SCGB2A1: variants seen among roughly 807,000 people sequenced by gnomAD.
The protein encoded by SCGB2A1 is secretoglobin family 2A member 1.
A neutral mutation model predicts 9.2 loss-of-function variants in SCGB2A1; 6 were observed. That is an observed-to-expected ratio of 0.66 (90% CI 0.36 to 1.29). The LOEUF is 1.29. Ranked by LOEUF, SCGB2A1 falls within the 50% of genes most tolerant of loss-of-function variation. The pLI, the probability that SCGB2A1 is intolerant of heterozygous loss-of-function variation, is 0.03. For missense variants in SCGB2A1, 138 were observed against 116.9 expected (o/e 1.18, Z -0.83); for synonymous variants, 37 against 41.0 (o/e 0.90, Z 0.37).
chr11:62,210,443 T>A lies in SCGB2A1; in HGVS notation c.86T>A (p.Val29Asp). 6.4e-7 allele frequency: 1 copy of A among 1,570,752 alleles called. No individual in the cohort carries two copies. Among genetic ancestry groups the A allele is most frequent in the Non-Finnish European group, 8.6e-7 (1 of 1,165,410 alleles). ...DSGCKLLEDM[V>D]EKTINSDISI... is the part of the protein sequence containing the mutation. ...GGCTGCAAACTCCTGGAGGACATGG[T>A]TGAAAAGACCATCAATTCCGACATA... The change falls in exon 2 of 3, where the codon GTT becomes GAT. Residue 29 changes from valine (V) to aspartate (D), a missense_variant. Transcript: ENST00000244930.
At chr11:62,213,106 A>ATATATATATATTTTTTT (rs67975205) in intron 2 of SCGB2A1, among the ~76,000 whole-genome samples, 3 of 116,252 alleles carry the variant, frequency 2.6e-5, no homozygotes, top group African/African-American at 6.9e-5. Context: ...ATATATATAT[A>ATATATATATATTTTTTT]TTTTTTTTTT....
At chr11:62,213,604 C>A (rs1226465185) in intron 2 of SCGB2A1, 122 bp from the exon 3 acceptor site, 4 of 918,684 alleles carry the variant, frequency 4.4e-6, no homozygotes, top group Non-Finnish European at 5.1e-6. Context: ...TTTGCTTCCA[C>A]TGCAAATCCT....
chr11:62,213,045 TATATACAC>T (rs1944848278), intron 2 of SCGB2A1, among the ~76,000 whole-genome samples: 4 of 77,214 alleles, frequency 5.2e-5, no homozygotes, highest in South Asian at 3.5e-4. Flanking sequence ...CATATATACA[TATATACAC>T]ATATATACAC....
rs11603935 is a variant in SCGB2A1, at chr11:62,213,081, C to T, written c.244-645C>T. 4.1e-3 allele frequency among the ~76,000 whole-genome samples: 97 copies of T among 23,398 alleles called. 1 individual carries two copies. Among genetic ancestry groups the T allele is most frequent in the Non-Finnish European group, 0.013 (55 of 4,084 alleles). The allele number at this position is 23,398 out of a possible 152,430, so 15.3% of individuals were successfully genotyped here. Reference sequence around the variant, plus strand: ...ATATACACATATATACATATATACACATATATACACATATATATATATATA... The same window carrying T: ...ATATACACATATATACATATATACATATATATACACATATATATATATATA... On this transcript the variant is annotated intron_variant, in intron 2 of 2. Coordinates refer to ENST00000244930, the MANE Select transcript of SCGB2A1 (RefSeq NM_002407.3).
At chr11:62,210,671 C>A in intron 2 of SCGB2A1, 71 bp downstream of exon 2, 1 of 1,147,438 alleles carries the variant, frequency 8.7e-7, no homozygotes, top group Non-Finnish European at 1.2e-6. Context: ...AAATTTGGCA[C>A]CAAGAATGCC....
At position 62,213,740 on chromosome 11, in the gene SCGB2A1, C is replaced by T. The variant is rs1464832392; in HGVS notation, c.258C>T (p.Asp86=). The part of the protein sequence containing the change: ...NFGLMMHTVY[D]SIWCNMKSN ...TTGTTTTCCAGCATACAGTGTACGA[C>T]AGCATTTGGTGTAATATGAAGAGTA... is the stretch of plus-strand genomic sequence containing the variant. The change falls in exon 3 of 3, where the codon GAC becomes GAT. Residue 86 remains aspartate, a synonymous_variant. Transcript: ENST00000244930. The T allele has an allele frequency of 1.9e-6, 3 of 1,613,826 alleles. No homozygotes were observed. In the African/African-American group the frequency reaches 4.0e-5, roughly 22 times the overall value.
At position 62,210,515 on chromosome 11, in the gene SCGB2A1, A is replaced by G; in HGVS notation, c.158A>G (p.Asp53Gly). 6.3e-7 allele frequency: 1 copy of G among 1,596,786 alleles called. No individual in the cohort carries two copies. Among genetic ancestry groups the G allele is most frequent in the Non-Finnish European group, 8.5e-7 (1 of 1,174,308 alleles). Residue 53 changes from aspartate to glycine, a missense_variant, in exon 2 of 3, where the codon GAT becomes GGT. By Grantham distance (94) the Asp-to-Gly change is moderately conservative. Transcript: ENST00000244930. ...CTTCTTCAAGAGTTCATAGACAGTG[A>G]TGCCGCTGCAGAGGCTATGGGGAAA... Reference protein sequence around the residue: ...KELLQEFIDSDAAAEAMGKFK... With the variant: ...KELLQEFIDSGAAAEAMGKFK...
Position 62,210,588 on chromosome 11 carries a change from T to C in SCGB2A1, c.231T>C (p.Phe77=). ...AGTCACATAGAACTCTGAAAAACTT[T>C]GGACTGATGATGGTAATTTGGGTTT... ...LNQSHRTLKN[F]GLMMHTVYDS... is the part of the protein sequence containing the mutation. The change falls in exon 2 of 3, where the codon TTT becomes TTC. Residue 77 remains phenylalanine (F), a synonymous_variant. Transcript: ENST00000244930. 6.5e-7 allele frequency: 1 copy of C among 1,546,668 alleles called. No individual in the cohort carries two copies. The highest frequency in any genetic ancestry group is 8.6e-7 in the Non-Finnish European group (1 of 1,156,140).
Position 62,213,549 on chromosome 11 carries a change from G to T in SCGB2A1, c.244-177G>T, listed in dbSNP as rs1944855741. The stretch of plus-strand genomic sequence containing the variant: ...AACCCTGGCCCCTGTTTGGCATTAT[G>T]AAGTGTCTCCTAGATAACAGAATAA... On this transcript the variant is annotated intron_variant, in intron 2 of 2. Transcript: ENST00000244930. The T allele has an allele frequency of 6.9e-6, 4 of 579,504 alleles. No homozygotes were observed. In the East Asian group the frequency reaches 1.2e-4, roughly 17 times the overall value. The allele number at this position is 579,504 out of a possible 1,614,324, so 35.9% of individuals were successfully genotyped here. A position where few individuals can be genotyped will look rare whatever the true frequency, so the allele number is the denominator to read the frequency against.
chr11:62,210,106 C>G (rs1400780530), intron 1 of SCGB2A1, among the ~76,000 whole-genome samples: 2 of 152,168 alleles, frequency 1.3e-5, no homozygotes, highest in Non-Finnish European at 2.9e-5. Flanking sequence ...GACTTTGAAC[C>G]AAGAAAGTCC....
rs67975205 is a variant in SCGB2A1, at chr11:62,213,106, A to ATATTT, written c.244-619_244-618insATTTT. On this transcript the variant is annotated intron_variant, in intron 2 of 2. Coordinates refer to ENST00000244930, the MANE Select transcript of SCGB2A1 (RefSeq NM_002407.3). Reference sequence around the variant, plus strand: ...CATATATACACATATATATATATATATTTTTTTTTTTGTAGAGATGGCATT... The same window carrying ATATTT: ...CATATATACACATATATATATATATATATTTTTTTTTTTTTTGTAGAGATGGCATT... Among the ~76,000 whole-genome samples, 70 of 116,234 alleles carry ATATTT rather than the reference A, an allele frequency of 6.0e-4. 1 individual carries two copies. The highest frequency in any genetic ancestry group is 2.1e-3 in the African/African-American group (61 of 29,082). The allele number at this position is 116,234 out of a possible 152,430, so 76.3% of individuals were successfully genotyped here.
intron 2 of SCGB2A1, among the ~76,000 whole-genome samples, chr11:62,212,161 G>C (rs1944836138): frequency 6.6e-6 from 1 of 151,306 alleles, no homozygotes; most frequent in Admixed American, 6.6e-5. Flanking sequence ...GACCTCAGGT[G>C]ATCTGCCCGC....
chr11:62,212,927 C>CAT lies in SCGB2A1; in HGVS notation c.244-793_244-792dup, dbSNP rs759814851. On this transcript the variant is annotated intron_variant, in intron 2 of 2. Coordinates refer to ENST00000244930, the MANE Select transcript of SCGB2A1 (RefSeq NM_002407.3). Reference sequence around the variant, plus strand: ...ATATATACATATATATACACACACACATATATACACACATATGTACACACA... The same window carrying CAT: ...ATATATACATATATATACACACACACATATATATACACACATATGTACACACA... Among the ~76,000 whole-genome samples, 4 of 144,450 alleles carry CAT rather than the reference C, an allele frequency of 2.8e-5. 1 individual carries two copies. Among genetic ancestry groups the CAT allele is most frequent in the African/African-American group, 1.0e-4 (4 of 40,018 alleles). 94.8% of individuals were successfully genotyped at this position (144,450 alleles called of 152,430 possible).
rs867293801 is a variant in SCGB2A1 at position 62,213,079 on chromosome 11, C to T, written c.244-647C>T. 4.5e-3 allele frequency among the ~76,000 whole-genome samples: 83 copies of T among 18,596 alleles called. 1 individual carries two copies. Among genetic ancestry groups the T allele is most frequent in the Non-Finnish European group, 0.015 (54 of 3,490 alleles). The allele number at this position is 18,596 out of a possible 152,430, so 12.2% of individuals were successfully genotyped here. A position where few individuals can be genotyped will look rare whatever the true frequency, so the allele number is the denominator to read the frequency against. ...ATATATACACATATATACATATATA[C>T]ACATATATACACATATATATATATA... On this transcript the variant is annotated intron_variant, in intron 2 of 2. Coordinates refer to ENST00000244930, the MANE Select transcript of SCGB2A1 (RefSeq NM_002407.3).
chr11:62,211,299 G>C (rs1043587280), intron 2 of SCGB2A1, among the ~76,000 whole-genome samples: 4 of 151,644 alleles, frequency 2.6e-5, no homozygotes, highest in African/African-American at 9.7e-5. Flanking sequence ...AATCTACTAA[G>C]AAATTTCCTA....
At chr11:62,212,143 A>T (rs949259602) in intron 2 of SCGB2A1, among the ~76,000 whole-genome samples, 1 of 147,248 alleles carries the variant, frequency 6.8e-6, no homozygotes, top group Non-Finnish European at 1.5e-5. Context: ...GGCTGGTCTC[A>T]AACTCCTGAC....
chr11:62,213,737 C>A lies in SCGB2A1; in HGVS notation c.255C>A (p.Tyr85Ter). ...KNFGLMMHTVYDSIWCNMKSN is the reference protein window; with the variant it reads ...KNFGLMMHTV ...CTTTTGTTTTCCAGCATACAGTGTA[C>A]GACAGCATTTGGTGTAATATGAAGA... Residue 85 changes from tyrosine to a stop codon, truncating the protein, a stop_gained, in exon 3 of 3, where the codon TAC becomes TAA. Transcript: ENST00000244930. LOFTEE classifies it high-confidence loss of function. The A allele has an allele frequency of 1.2e-6, 2 of 1,613,718 alleles. No homozygotes were observed. The highest frequency in any genetic ancestry group is 2.2e-5 in the South Asian group (2 of 90,974).
At chr11:62,212,588 T>C (rs1944838982) in intron 2 of SCGB2A1, among the ~76,000 whole-genome samples, 1 of 151,996 alleles carries the variant, frequency 6.6e-6, no homozygotes, top group Admixed American at 6.6e-5. Context: ...TGAGCCAAGA[T>C]AGTGCCACCG....
Position 62,213,100 on chromosome 11 carries a change from A to AT in SCGB2A1, c.244-625dup, listed in dbSNP as rs1565121591. Among the ~76,000 whole-genome samples, 15 of 41,322 alleles carry AT rather than the reference A, an allele frequency of 3.6e-4. 1 individual carries two copies. Among genetic ancestry groups the AT allele is most frequent in the African/African-American group, 8.0e-4 (15 of 18,736 alleles). The allele number at this position is 41,322 out of a possible 152,430, so 27.1% of individuals were successfully genotyped here. ...TATACACATATATACACATATATATATATATATTTTTTTTTTTGTAGAGAT... is the reference window on the plus strand; with the variant it reads ...TATACACATATATACACATATATATATTATATATTTTTTTTTTTGTAGAGAT... On this transcript the variant is annotated intron_variant, in intron 2 of 2. Transcript: ENST00000244930.
Sources: allele counts gnomAD v4.1 joint callset (sites outside exome capture counted in the v4.1 genomes callset), GRCh38; gene constraint gnomAD v4.1.1; transcripts MANE v1.5; gene names NCBI Gene and HGNC (gene_info 2026-07-23, HGNC 2026-07-21).